MAGI2: variants seen among roughly 807,000 people sequenced by gnomAD.
MAGI2 encodes membrane associated guanylate kinase, WW and PDZ domain containing 2.
In MAGI2, 35 loss-of-function variants were observed where a neutral mutation model predicts 133.3. The ratio of observed to expected loss-of-function variants is 0.26; its 90% CI spans 0.20 to 0.35. The LOEUF is 0.35. Among genes scored for constraint, MAGI2 ranks in the 10% least tolerant of loss-of-function variants. The pLI is 1.00. For synonymous variants in MAGI2, 729 were observed against 710.6 expected, an observed-to-expected ratio of 1.03 and a Z score of -0.41; for missense variants, 1,636 against 1,863.4, an observed-to-expected ratio of 0.88 and a Z score of 2.25.
At chr7:78,266,322 C>T (rs1482949105) in intron 9 of MAGI2, among the ~76,000 whole-genome samples, 1 of 151,994 alleles carries the variant, frequency 6.6e-6, no homozygotes, top group Non-Finnish European at 1.5e-5. Flanking sequence ...CACCTCAGCT[C>T]CCCGAGGAGC....
intron 1 of MAGI2, among the ~76,000 whole-genome samples, chr7:79,388,704 C>T (rs1175489657): frequency 6.6e-6 from 1 of 151,594 alleles, no homozygotes; most frequent in African/African-American, 2.4e-5. Flanking sequence ...TCATATTGTA[C>T]ATTCCACTCT....
chr7:79,320,281 A>G (rs1049359253), intron 1 of MAGI2, among the ~76,000 whole-genome samples: 38 of 152,168 alleles, frequency 2.5e-4, no homozygotes, highest in Non-Finnish European at 4.6e-4. Context: ...AATAAAATAT[A>G]TGGGATCTAG....
chr7:78,738,163 T>G (rs1281531393), intron 2 of MAGI2, among the ~76,000 whole-genome samples: 1 of 152,160 alleles, frequency 6.6e-6, no homozygotes, highest in Non-Finnish European at 1.5e-5. Flanking sequence ...AAGTCACATT[T>G]ATGACTATTA....
chr7:79,049,589 TAA>T (rs1467144732), intron 1 of MAGI2, among the ~76,000 whole-genome samples: 1 of 152,106 alleles, frequency 6.6e-6, no homozygotes, highest in Non-Finnish European at 1.5e-5. Flanking sequence ...ATTTAATAAT[TAA>T]TTTAGATTTT....
chr7:78,394,997 A>T (rs1424413801), intron 6 of MAGI2, among the ~76,000 whole-genome samples: 1 of 152,220 alleles, frequency 6.6e-6, no homozygotes, highest in Non-Finnish European at 1.5e-5. Flanking sequence ...ACGAAGCTGG[A>T]TCTTTAAGAT....
At chr7:78,646,899 A>G (rs1305332399) in intron 2 of MAGI2, among the ~76,000 whole-genome samples, 1 of 152,170 alleles carries the variant, frequency 6.6e-6, no homozygotes, top group Non-Finnish European at 1.5e-5. Context: ...ACTCTTGGTT[A>G]TTCACTGTCT....
intron 2 of MAGI2, among the ~76,000 whole-genome samples, chr7:78,711,788 T>C (rs898320512): frequency 6.6e-6 from 1 of 152,144 alleles, no homozygotes; most frequent in Non-Finnish European, 1.5e-5. Flanking sequence ...TTTAAGAAAA[T>C]ATTTTTCACA....
intron 2 of MAGI2, chr7:79,000,441 T>G (rs969902885): frequency 6.6e-6 from 1 of 152,200 alleles, no homozygotes; most frequent in African/African-American, 2.4e-5. Context: ...AATTTTTGCT[T>G]GAGAAATAAA....
intron 1 of MAGI2, among the ~76,000 whole-genome samples, chr7:79,280,717 C>T (rs542908708): frequency 3.3e-5 from 5 of 151,762 alleles, no homozygotes; most frequent in Non-Finnish European, 5.9e-5. Flanking sequence ...CACTTGCAGC[C>T]AGCTAAGACC....
intron 1 of MAGI2, among the ~76,000 whole-genome samples, chr7:79,248,750 C>CAATA (rs1832999434): frequency 6.6e-6 from 1 of 151,824 alleles, no homozygotes; most frequent in African/African-American, 2.4e-5. Flanking sequence ...GGAAATTAGA[C>CAATA]AATAAGCTCC....
chr7:78,068,756 G>A (rs1167575101), intron 21 of MAGI2, among the ~76,000 whole-genome samples: 3 of 152,178 alleles, frequency 2.0e-5, no homozygotes, highest in African/African-American at 7.2e-5. Flanking sequence ...CTGAAGTGAT[G>A]CCTTGGAGAC....
chr7:78,888,391 C>G (rs1322210856), intron 2 of MAGI2, among the ~76,000 whole-genome samples: 2 of 152,192 alleles, frequency 1.3e-5, no homozygotes, highest in Non-Finnish European at 2.9e-5. Context: ...GCGGTTCTCC[C>G]AGCACCCAGC....
intron 1 of MAGI2, among the ~76,000 whole-genome samples, chr7:79,288,339 T>C (rs973206173): frequency 1.1e-4 from 17 of 152,186 alleles, no homozygotes; most frequent in Non-Finnish European, 2.2e-4. Context: ...GCCTGGTATA[T>C]AAGAAGGTCT....
intron 2 of MAGI2, among the ~76,000 whole-genome samples, chr7:78,982,586 T>G (rs1253117623): frequency 6.6e-6 from 1 of 151,852 alleles, no homozygotes; most frequent in Non-Finnish European, 1.5e-5. Flanking sequence ...CCTTTTGACA[T>G]GTAAGAAAGT....
chr7:79,151,284 A>G (rs919863447), intron 1 of MAGI2, among the ~76,000 whole-genome samples: 1 of 152,140 alleles, frequency 6.6e-6, no homozygotes, highest in Non-Finnish European at 1.5e-5. Context: ...GTAGCATACA[A>G]AATGTGCTTT....
intron 2 of MAGI2, among the ~76,000 whole-genome samples, chr7:78,777,238 T>C (rs1310594819): frequency 1.3e-5 from 2 of 152,194 alleles, no homozygotes; most frequent in African/African-American, 2.4e-5. Flanking sequence ...GTATATGTTT[T>C]AAGAAAAGCT....
intron 1 of MAGI2, among the ~76,000 whole-genome samples, chr7:79,073,544 C>T (rs1178175860): frequency 1.3e-5 from 2 of 152,126 alleles, no homozygotes; most frequent in Non-Finnish European, 2.9e-5. Flanking sequence ...CTTCTGCCAA[C>T]TCCATTCTCC....
intron 2 of MAGI2, among the ~76,000 whole-genome samples, chr7:78,858,346 C>A (rs966871193): frequency 6.6e-6 from 1 of 151,932 alleles, no homozygotes; most frequent in African/African-American, 2.4e-5. Flanking sequence ...GTGATATTAG[C>A]GTGTCAATTT....
intron 2 of MAGI2, among the ~76,000 whole-genome samples, chr7:78,870,371 AATAG>A (rs1185926851): frequency 6.6e-6 from 1 of 151,582 alleles, no homozygotes; most frequent in African/African-American, 2.4e-5. Context: ...AAAAAAAAAA[AATAG>A]TAGTAGGCAA....
Sources: gnomAD v4.1 joint callset for allele counts (sites outside exome capture counted in the v4.1 genomes callset) on GRCh38, gnomAD v4.1.1 for gene constraint, MANE v1.5 for transcripts, NCBI Gene and HGNC (gene_info 2026-07-23, HGNC 2026-07-21) for gene names.